Variants in SLC6A13 observed in about 807,000 individuals in gnomAD.
SLC6A13 encodes the protein sodium- and chloride-dependent GABA transporter 2.
SLC6A13 carries 69 observed loss-of-function variants against 72.9 expected under a neutral mutation model. That is an observed-to-expected ratio of 0.95 (90% CI 0.78 to 1.16). SLC6A13 has a LOEUF of 1.16. Among genes scored for constraint, SLC6A13 ranks in the 50% most tolerant of loss-of-function variants. SLC6A13 has a pLI of 0.00. For missense variants in SLC6A13, 735 were observed against 760.5 expected (o/e 0.97, Z 0.39); for synonymous variants, 303 against 303.0 (o/e 1.00, Z 0.00).
At chr12:230,009 A>T (rs1406640216) in intron 7 of SLC6A13, among the ~76,000 whole-genome samples, 1 of 151,954 alleles carries the variant, frequency 6.6e-6, no homozygotes, top group African/African-American at 2.4e-5. Flanking sequence ...CTCTTCTTTG[A>T]CCAAAGCCCC....
At chr12:255,235 A>AGGTCCTGAGGGTCCAGGGAGCTGGAGT (rs879308553) in intron 2 of SLC6A13, among the ~76,000 whole-genome samples, 29 of 152,168 alleles carry the variant, frequency 1.9e-4, no homozygotes, top group Non-Finnish European at 3.8e-4. Flanking sequence ...GGAGCTGGAG[A>AGGTCCTGAGGGTCCAGGGAGCTGGAGT]GGTCCTGAAG....
At chr12:236,559 T>C (rs1393363912) in intron 6 of SLC6A13, among the ~76,000 whole-genome samples, 2 of 152,304 alleles carry the variant, frequency 1.3e-5, no homozygotes, top group Middle Eastern at 3.4e-3. Flanking sequence ...ACATATTCAA[T>C]AAATATTTGT....
chr12:241,706 C>T (rs1942174115), intron 4 of SLC6A13, among the ~76,000 whole-genome samples: 1 of 152,228 alleles, frequency 6.6e-6, no homozygotes, highest in Non-Finnish European at 1.5e-5. Flanking sequence ...ACATTTTCAT[C>T]ATTACAGACA....
chr12:235,458 C>T (rs372426494), intron 6 of SLC6A13, among the ~76,000 whole-genome samples: 6 of 152,270 alleles, frequency 3.9e-5, no homozygotes, highest in East Asian at 1.9e-4. Context: ...TTAATGGACA[C>T]TTATCAGTTT....
intron 6 of SLC6A13, among the ~76,000 whole-genome samples, chr12:236,009 T>C (rs2080402): frequency 0.48 from 72,288 of 151,964 alleles, 18,091 homozygotes; most frequent in Non-Finnish European, 0.56. Context: ...TCTCTGCTCT[T>C]GAACCCTATT....
intron 7 of SLC6A13, among the ~76,000 whole-genome samples, chr12:229,678 G>C (rs763472595): frequency 1.3e-5 from 2 of 152,180 alleles, no homozygotes; most frequent in Non-Finnish European, 2.9e-5. Context: ...GGTGTGTCCC[G>C]GGAGCCCGGA....
chr12:235,062 G>T (rs762522800), intron 7 of SLC6A13, 28 bp downstream of exon 7: 2 of 1,613,898 alleles, frequency 1.2e-6, no homozygotes, highest in Non-Finnish European at 1.7e-6. Flanking sequence ...TGGGAGTCAC[G>T]TGAGGGCTCC....
At chr12:253,336 G>A (rs1413144080) in intron 2 of SLC6A13, 1 of 152,250 alleles carries the variant, frequency 6.6e-6, no homozygotes, top group Non-Finnish European at 1.5e-5. Flanking sequence ...TGCTGTCCTC[G>A]GCATGAGCCT....
In SLC6A13 at chr12:243,716, G is replaced by A. The variant is rs778041716; in HGVS notation, c.300C>T (p.Gly100=). The change falls in exon 3 of 15, where the codon GGC becomes GGT. Residue 100 remains glycine (G), a synonymous_variant. Transcript: ENST00000343164. ...TALGQYTSQG[G]VTAWRKICPI... is the part of the protein sequence containing the mutation. ...GGCAGATCTTCCTCCAGGCTGTGAC[G>A]CCTCCCTGGCTAGTGTACTGGCCTA... The A allele has an allele frequency of 1.5e-5, 25 of 1,614,002 alleles. No individual in the cohort carries two copies. The East Asian group carries it at 2.0e-4, about 13-fold the overall frequency.
At chr12:255,443 C>G (rs1234504354) in intron 2 of SLC6A13, among the ~76,000 whole-genome samples, 1 of 152,194 alleles carries the variant, frequency 6.6e-6, no homozygotes, top group African/African-American at 2.4e-5. Context: ...TGCCTGTAAT[C>G]CCAGCACTTT....
At chr12:243,525 C>T (rs1335609810) in intron 3 of SLC6A13, among the ~76,000 whole-genome samples, 154 bp downstream of exon 3, 1 of 152,220 alleles carries the variant, frequency 6.6e-6, no homozygotes, top group Non-Finnish European at 1.5e-5. Flanking sequence ...GATCAGCTGA[C>T]TAGCTCAGTA....
Position 224,003 on chromosome 12 carries a change from T to A in SLC6A13, c.1300A>T (p.Met434Leu). 3 of 1,612,320 alleles carry A rather than the reference T, an allele frequency of 1.9e-6. No individual in the cohort carries two copies. The highest frequency in any genetic ancestry group is 2.2e-5 in the East Asian group (1 of 44,702). The change falls in exon 11 of 15, where the codon ATG (methionine) becomes TTG (leucine). Residue 434 changes from methionine to leucine, a missense_variant. Physicochemically the swap from Met to Leu is conservative, Grantham distance 15. Coordinates refer to ENST00000343164, the MANE Select transcript of SLC6A13 (RefSeq NM_016615.5). ...SVVSFLVGLI[M>L]LTEGGMYVFQ... ...TCCCAGGCCCTCACCTCTGTGAGCA[T>A]GATCAGCCCCACAAGGAAGGAGACG...
intron 2 of SLC6A13, among the ~76,000 whole-genome samples, chr12:245,812 A>G (rs1942327483): frequency 1.3e-5 from 2 of 151,846 alleles, no homozygotes; most frequent in Non-Finnish European, 2.9e-5. Context: ...GTGAAACCCC[A>G]TCTCTAGTAA....
At chr12:223,751 C>T (rs1228378959) in intron 11 of SLC6A13, 3 of 532,830 alleles carry the variant, frequency 5.6e-6, no homozygotes, top group Admixed American at 6.3e-5. Context: ...CATACCTCTT[C>T]ACTTACTGTG....
chr12:248,178 T>C (rs1942419784), intron 2 of SLC6A13, among the ~76,000 whole-genome samples: 1 of 152,078 alleles, frequency 6.6e-6, no homozygotes, highest in South Asian at 2.1e-4. Flanking sequence ...CAGAGATTGT[T>C]AGACTGGCTT....
chr12:246,493 A>G (rs1309356237), intron 2 of SLC6A13, among the ~76,000 whole-genome samples: 1 of 152,242 alleles, frequency 6.6e-6, no homozygotes, highest in Non-Finnish European at 1.5e-5. Flanking sequence ...GCAGATGAGA[A>G]TATTTAAAAG....
intron 1 of SLC6A13, among the ~76,000 whole-genome samples, chr12:261,576 A>T (rs1424581955): frequency 3.9e-5 from 6 of 152,248 alleles, no homozygotes; most frequent in Non-Finnish European, 8.8e-5. Flanking sequence ...GAACTTTCTC[A>T]GCAGTAACCT....
Position 237,247 on chromosome 12 carries a change from C to A in SLC6A13, c.607G>T (p.Ala203Ser), listed in dbSNP as rs137977371. The A allele has an allele frequency of 1.2e-6, 2 of 1,613,752 alleles. No individual in the cohort carries two copies. The highest frequency in any genetic ancestry group is 2.2e-5 in the South Asian group (2 of 91,074). Residue 203 changes from alanine to serine, a missense_variant, in exon 6 of 15, where the codon GCC (alanine) becomes TCC (serine). Ala to Ser is a moderately conservative substitution (Grantham distance 99, BLOSUM62 1). Coordinates refer to ENST00000343164, the MANE Select transcript of SLC6A13 (RefSeq NM_016615.5). ...CACAGAGCCAGCTCCCAGCGCAGGG[C>A]CCCCAGGTGCTGGATCCCATCAGAG... Reference protein sequence around the residue: ...KISDGIQHLGALRWELALCLL... With the variant: ...KISDGIQHLGSLRWELALCLL...
At position 220,808 on chromosome 12, in the gene SLC6A13, G is replaced by T. The variant is rs1025408181; in HGVS notation, c.*140C>A. The stretch of plus-strand genomic sequence containing the variant: ...GTTGCAGTGGGAGGCCTCCAGCTCA[G>T]CAGGTGGACTCCAAAATACCCCTCT... On this transcript the variant is annotated 3_prime_UTR_variant, in exon 15 of 15. Transcript: ENST00000343164. The T allele has an allele frequency of 9.8e-7, 1 of 1,019,110 alleles. No individual in the cohort carries two copies. The highest frequency in any genetic ancestry group is 1.4e-6 in the Non-Finnish European group (1 of 710,000). 63.1% of individuals were successfully genotyped at this position (1,019,110 alleles called of 1,614,324 possible).
Sources: allele counts gnomAD v4.1 joint callset (sites outside exome capture counted in the v4.1 genomes callset), GRCh38; gene constraint gnomAD v4.1.1; transcripts MANE v1.5; gene names NCBI Gene and HGNC (gene_info 2026-07-23, HGNC 2026-07-21).